UGP2: variants seen among roughly 807,000 people sequenced by gnomAD.
UGP2 encodes UDP-glucose pyrophosphorylase 2, also known as UTP--glucose-1-phosphate uridylyltransferase.
Under a neutral mutation model 49.0 loss-of-function variants are expected in UGP2, and 40 were observed. That is an observed-to-expected ratio of 0.82 (90% CI 0.63 to 1.06). The LOEUF is 1.06. UGP2 is among the 50% of genes least tolerant of loss of function. The pLI is 0.00. For synonymous variants in UGP2, 225 were observed against 213.0 expected (o/e 1.06, Z -0.49); for missense variants, 460 against 603.5 (o/e 0.76, Z 2.49).
chr2:63,872,119 A>G (rs181839843), intron 3 of UGP2, among the ~76,000 whole-genome samples: 58 of 152,358 alleles, frequency 3.8e-4, no homozygotes, highest in Non-Finnish European at 7.4e-4. Flanking sequence ...CCTCTGTCTT[A>G]ACATCCTCAG....
intron 5 of UGP2, among the ~76,000 whole-genome samples, chr2:63,884,635 G>T (rs1319249986): frequency 6.6e-6 from 1 of 152,146 alleles, no homozygotes; most frequent in Non-Finnish European, 1.5e-5. Context: ...TTTGAGGCTG[G>T]GTGTGGTGGC....
chr2:63,866,319 TAA>T (rs1670183959), intron 3 of UGP2, among the ~76,000 whole-genome samples: 1 of 152,232 alleles, frequency 6.6e-6, no homozygotes, highest in Non-Finnish European at 1.5e-5. Context: ...TGTAAAAAGT[TAA>T]AACAGTTAAT....
chr2:63,857,643 G>A, intron 2 of UGP2, 186 bp from the exon 3 acceptor site: 1 of 646,444 alleles, frequency 1.5e-6, no homozygotes, highest in East Asian at 3.2e-5. Flanking sequence ...GGGATTACAG[G>A]CATGCACCAA....
chr2:63,862,236 G>A (rs888465348), intron 3 of UGP2, among the ~76,000 whole-genome samples: 4 of 152,094 alleles, frequency 2.6e-5, no homozygotes, highest in Non-Finnish European at 5.9e-5. Flanking sequence ...AAAGGAATTA[G>A]TGGCATTTAA....
At chr2:63,866,960 A>T (rs548310472) in intron 3 of UGP2, among the ~76,000 whole-genome samples, 1 of 152,306 alleles carries the variant, frequency 6.6e-6, no homozygotes, top group South Asian at 2.1e-4. Flanking sequence ...TGTTACTGAA[A>T]TGGCTACTTT....
chr2:63,884,550 C>A (rs1362518723), intron 5 of UGP2, among the ~76,000 whole-genome samples: 1 of 151,992 alleles, frequency 6.6e-6, no homozygotes, highest in Non-Finnish European at 1.5e-5. Context: ...TGATTGAAGG[C>A]CAGGAAACTG....
In UGP2 at chr2:63,882,428, C is replaced by T. The variant is rs377685902; in HGVS notation, c.256-38C>T. ...TGATATGCTTTAACGTCCCTTAAAG[C>T]TGTTTAAATTACTCCTATAATGTTA... On this transcript the variant is annotated intron_variant, in intron 3 of 9. Transcript: ENST00000337130. 4.7e-4 allele frequency: 697 copies of T among 1,468,942 alleles called. 1 individual carries two copies. The highest frequency in any genetic ancestry group is 4.7e-4 in the Non-Finnish European group (513 of 1,090,754). The allele number at this position is 1,468,942 out of a possible 1,614,324, so 91.0% of individuals were successfully genotyped here.
At chr2:63,850,548 A>G (rs745742739) in intron 1 of UGP2, among the ~76,000 whole-genome samples, 3 of 152,224 alleles carry the variant, frequency 2.0e-5, no homozygotes, top group Non-Finnish European at 4.4e-5. Flanking sequence ...TAAATTGCCC[A>G]ATTTTGTTTA....
intron 3 of UGP2, among the ~76,000 whole-genome samples, chr2:63,868,867 G>A (rs1218381057): frequency 1.3e-5 from 2 of 151,912 alleles, no homozygotes; most frequent in Non-Finnish European, 2.9e-5. Flanking sequence ...CCAGCTACTT[G>A]GGAGGCTGAG....
At chr2:63,887,281 T>G in intron 7 of UGP2, 121 bp from the exon 8 acceptor site, 1 of 1,403,558 alleles carries the variant, frequency 7.1e-7, no homozygotes, top group Non-Finnish European at 9.6e-7. Flanking sequence ...AAAAAAAAAT[T>G]TTTTTTTTTC....
In UGP2 at chr2:63,842,000, T is replaced by C; in HGVS notation, c.-186T>C. 1.5e-6 allele frequency: 1 copy of C among 660,296 alleles called. No homozygotes were observed. Among genetic ancestry groups the C allele is most frequent in the Non-Finnish European group, 2.2e-6 (1 of 444,790 alleles). 40.9% of individuals were successfully genotyped at this position (660,296 alleles called of 1,614,324 possible). A position where few individuals can be genotyped will look rare whatever the true frequency, so the allele number is the denominator to read the frequency against. ...TTTGGAATTGGGGAAGGAGTTTCTT[T>C]CTTTCTTTTCTTTTTTCTTGAGCCA... is the stretch of plus-strand genomic sequence containing the variant. On this transcript the variant is annotated 5_prime_UTR_variant, in exon 1 of 10. Transcript: ENST00000337130.
chr2:63,845,874 A>G (rs1289251290), intron 1 of UGP2, among the ~76,000 whole-genome samples: 1 of 152,178 alleles, frequency 6.6e-6, no homozygotes, highest in Admixed American at 6.5e-5. Flanking sequence ...CCTCAAGCAT[A>G]TTGACCGTAA....
In UGP2 at chr2:63,891,246, C is replaced by CACTT. The variant is rs759967822; in HGVS notation, c.*21_*24dup. The CACTT allele has an allele frequency of 2.7e-5, 42 of 1,583,868 alleles. 1 individual carries two copies. The African/African-American group carries it at 5.0e-4, about 19-fold the overall frequency. On this transcript the variant is annotated 3_prime_UTR_variant, in exon 10 of 10. Coordinates refer to ENST00000337130, the MANE Select transcript of UGP2 (RefSeq NM_006759.4). ...CCACTGAAATGAAAAATACTGTGGA[C>CACTT]ACTTAAATAATGGGCTAGTTTCTTA...
chr2:63,860,404 A>G (rs1669755093), intron 3 of UGP2, among the ~76,000 whole-genome samples: 1 of 151,990 alleles, frequency 6.6e-6, no homozygotes, highest in African/African-American at 2.4e-5. Context: ...GCAGAGTTGA[A>G]TAGTTGGAGT....
intron 5 of UGP2, 96 bp downstream of exon 5, chr2:63,884,189 C>A (rs975475865): frequency 2.1e-6 from 3 of 1,425,068 alleles, no homozygotes; most frequent in Non-Finnish European, 1.9e-6. Flanking sequence ...TGTACAGGTA[C>A]CAAATATTGA....
At chr2:63,855,539 T>TG in intron 1 of UGP2, 1 of 268,812 alleles carries the variant, frequency 3.7e-6, no homozygotes. Context: ...TTTTTTTTTT[T>TG]TTCTCTTTTC....
At chr2:63,853,857 G>T (rs1669200858) in intron 1 of UGP2, among the ~76,000 whole-genome samples, 1 of 152,138 alleles carries the variant, frequency 6.6e-6, no homozygotes, top group East Asian at 1.9e-4. Flanking sequence ...TTAGGAAACT[G>T]GGGGAAAGGA....
chr2:63,877,596 T>C (rs1362491028), intron 3 of UGP2, among the ~76,000 whole-genome samples: 1 of 152,272 alleles, frequency 6.6e-6, no homozygotes, highest in Non-Finnish European at 1.5e-5. Flanking sequence ...ATGGCTCTCA[T>C]GACAAGTGTG....
chr2:63,854,659 C>A (rs554699061), intron 1 of UGP2, among the ~76,000 whole-genome samples: 4 of 152,334 alleles, frequency 2.6e-5, no homozygotes, highest in African/African-American at 7.2e-5. Flanking sequence ...TTATTCGTTA[C>A]AAGCCCTTCC....
Sources: allele counts gnomAD v4.1 joint callset (sites outside exome capture counted in the v4.1 genomes callset), GRCh38; gene constraint gnomAD v4.1.1; transcripts MANE v1.5; gene names NCBI Gene and HGNC (gene_info 2026-07-23, HGNC 2026-07-21).